DCAF10: variants seen among roughly 807,000 people sequenced by gnomAD.
DCAF10 encodes the protein DDB1- and CUL4-associated factor 10.
Under a neutral mutation model 51.9 loss-of-function variants are expected in DCAF10, and 19 were observed. The ratio of observed to expected loss-of-function variants is 0.37; its 90% CI spans 0.26 to 0.54. The LOEUF is 0.54. Among genes scored for constraint, DCAF10 ranks in the 20% least tolerant of loss-of-function variants. The pLI, the probability that DCAF10 is intolerant of heterozygous loss-of-function variation, is 0.87. For missense variants in DCAF10, 510 were observed against 730.6 expected (o/e 0.70, Z 3.48); for synonymous variants, 291 against 297.1 (o/e 0.98, Z 0.21).
rs1831042476 is a variant in DCAF10 at position 37,862,390 on chromosome 9, A to T, written c.*882A>T. On this transcript the variant is annotated 3_prime_UTR_variant, in exon 7 of 7. Coordinates refer to ENST00000377724, the MANE Select transcript of DCAF10 (RefSeq NM_024345.5). ...TAGAGTGATAAGAACAATATGACTT[A>T]GATTTTCTGTATTTCATCTGCCAGA... The T allele has an allele frequency of 6.6e-6, 1 of 152,262 alleles. No homozygotes were observed. The highest frequency in any genetic ancestry group is 6.5e-5 in the Admixed American group (1 of 15,284). The allele number at this position is 152,262 out of a possible 1,614,324, so 9.4% of individuals were successfully genotyped here.
At chr9:37,800,713 T>C, upstream of DCAF10, 1 of 1,535,694 alleles carries the variant, frequency 6.5e-7, no homozygotes, top group Non-Finnish European at 8.7e-7. Flanking sequence ...GTGTCTCAGC[T>C]TTCCCGGTCC....
rs1308227423 is a variant in DCAF10, at chr9:37,847,314, A to T, written c.851+5028A>T. On this transcript the variant is annotated intron_variant, in intron 3 of 6. Transcript: ENST00000377724. ...ACAAATATTCCTAAAAAAAAAAAGG[A>T]TGGAAAAATCCTCAACAAAATATTA... 2.0e-5 allele frequency among the ~76,000 whole-genome samples: 3 copies of T among 150,652 alleles called. 1 individual carries two copies. The highest frequency in any genetic ancestry group is 4.4e-5 in the Non-Finnish European group (3 of 67,606).
chr9:37,840,511 T>C (rs1830300339), intron 2 of DCAF10, among the ~76,000 whole-genome samples: 2 of 152,184 alleles, frequency 1.3e-5, no homozygotes, highest in Admixed American at 6.5e-5. Context: ...AAAAAGTTAA[T>C]AAAATAAGGC....
rs866819833 is a variant in DCAF10 at position 37,829,293 on chromosome 9, A to G, written c.653+9892A>G. Among the ~76,000 whole-genome samples the G allele has an allele frequency of 1.4e-4, 21 of 152,228 alleles. No homozygotes were observed. Among genetic ancestry groups the G allele is most frequent in the South Asian group, 4.2e-4 (2 of 4,818 alleles). On this transcript the variant is annotated intron_variant, in intron 2 of 6. Coordinates refer to ENST00000377724, the MANE Select transcript of DCAF10 (RefSeq NM_024345.5). The surrounding 1 kb of genome is among the most constrained non-coding windows in gnomAD (Gnocchi z 4.2). Reference sequence around the variant, plus strand: ...CGTCTCTACTAAAAATACAAAAATTAGCCGGGCATGGTCGTGCATGCCTGT... The same window carrying G: ...CGTCTCTACTAAAAATACAAAAATTGGCCGGGCATGGTCGTGCATGCCTGT...
intron 1 of DCAF10, among the ~76,000 whole-genome samples, chr9:37,804,959 T>C (rs2119012593): frequency 6.6e-6 from 1 of 152,134 alleles, no homozygotes; most frequent in Admixed American, 6.5e-5. Context: ...AGAACAAAGA[T>C]GAAATAAATA....
intron 3 of DCAF10, among the ~76,000 whole-genome samples, chr9:37,848,615 AT>A (rs1399972815): frequency 1.3e-5 from 2 of 152,192 alleles, no homozygotes; most frequent in Non-Finnish European, 2.9e-5. Context: ...TCTTAAGGTG[AT>A]GAAAATGTTC....
At chr9:37,850,846 A>T (rs936651633) in intron 3 of DCAF10, among the ~76,000 whole-genome samples, 9 of 34,838 alleles carry the variant, frequency 2.6e-4, no homozygotes, top group African/African-American at 1.0e-3. Context: ...ATATATATAT[A>T]TATATATATA....
At chr9:37,842,354 T>C in intron 3 of DCAF10, 68 bp downstream of exon 3, 1 of 1,457,374 alleles carries the variant, frequency 6.9e-7, no homozygotes, top group South Asian at 1.3e-5. Flanking sequence ...GTGAACAAAT[T>C]CAGTGTTCTG....
upstream of DCAF10, chr9:37,800,654 A>G (rs1195425551): frequency 2.0e-6 from 3 of 1,535,672 alleles, no homozygotes; most frequent in Non-Finnish European, 1.7e-6. Context: ...ACAGGTAACT[A>G]CTCGCTCCCT....
At chr9:37,855,087 T>G (rs1830808425) in intron 4 of DCAF10, 105 bp downstream of exon 4, 3 of 1,101,800 alleles carry the variant, frequency 2.7e-6, no homozygotes, top group Admixed American at 5.3e-5. Flanking sequence ...GGGAAGACAG[T>G]TTTTTAAAAG....
At position 37,854,774 on chromosome 9, in the gene DCAF10, C is replaced by A; in HGVS notation, c.852-6C>A. ...CTAGATTTTGTTGGCTTGGTTTCTC[C>A]TGTAGGTATACAGAAGATGGGTGTC... On this transcript the variant is annotated splice_region_variant and splice_polypyrimidine_tract_variant and intron_variant, in intron 3 of 6. Transcript: ENST00000377724. 1 of 1,612,594 alleles carries A rather than the reference C, an allele frequency of 6.2e-7. No individual in the cohort carries two copies. Among genetic ancestry groups the A allele is most frequent in the Non-Finnish European group, 8.5e-7 (1 of 1,179,460 alleles).
chr9:37,854,800 C>T lies in DCAF10; in HGVS notation c.872C>T (p.Pro291Leu). The change falls in exon 4 of 7, where the codon CCA becomes CTA. Residue 291 changes from proline to leucine, a missense_variant. By Grantham distance (98) the Pro-to-Leu change is moderately conservative. Coordinates refer to ENST00000377724, the MANE Select transcript of DCAF10 (RefSeq NM_024345.5). ...TGTAGGTATACAGAAGATGGGTGTC[C>T]ACATAAGAAATTCTTTCACACACGT... ...DTNRYTEDGCPHKKFFHTRFL... is the reference protein window; with the variant it reads ...DTNRYTEDGCLHKKFFHTRFL... 1 of 1,613,870 alleles carries T rather than the reference C, an allele frequency of 6.2e-7. No homozygotes were observed. Among genetic ancestry groups the T allele is most frequent in the Admixed American group, 1.7e-5 (1 of 60,004 alleles).
At chr9:37,860,774 G>A (rs1012276297) in intron 6 of DCAF10, among the ~76,000 whole-genome samples, 6 of 152,176 alleles carry the variant, frequency 3.9e-5, no homozygotes, top group Admixed American at 2.6e-4. Context: ...GAGAAGAGAA[G>A]AGCCTTTGAA....
chr9:37,856,705 GGAGGCT>G (rs1830859602), intron 4 of DCAF10, among the ~76,000 whole-genome samples: 1 of 152,030 alleles, frequency 6.6e-6, no homozygotes, highest in Non-Finnish European at 1.5e-5. Context: ...CAGCTACTCA[GGAGGCT>G]GAGGCTGAGG....
At chr9:37,821,752 A>C (rs1829707446) in intron 2 of DCAF10, among the ~76,000 whole-genome samples, 1 of 152,224 alleles carries the variant, frequency 6.6e-6, no homozygotes, top group Admixed American at 6.5e-5. Context: ...ATAAAGATAA[A>C]GATAAATAGC....
intron 1 of DCAF10, among the ~76,000 whole-genome samples, chr9:37,807,576 CTA>C (rs1444272929): frequency 6.7e-6 from 1 of 148,290 alleles, no homozygotes; most frequent in Non-Finnish European, 1.5e-5. Context: ...TTTTTATAAT[CTA>C]TATAGGTTAA....
intron 1 of DCAF10, among the ~76,000 whole-genome samples, chr9:37,815,515 C>T (rs964454271): frequency 6.6e-6 from 1 of 152,116 alleles, no homozygotes; most frequent in African/African-American, 2.4e-5. Flanking sequence ...CATCATGGCA[C>T]ACGCCTGCAG....
intron 1 of DCAF10, among the ~76,000 whole-genome samples, chr9:37,803,031 G>A (rs1347235641): frequency 2.0e-5 from 3 of 152,178 alleles, no homozygotes; most frequent in African/African-American, 4.8e-5. Context: ...TTTTAGAGCT[G>A]TTAGAATAAG....
intron 2 of DCAF10, among the ~76,000 whole-genome samples, chr9:37,822,843 C>T (rs1303941265): frequency 6.6e-6 from 1 of 152,114 alleles, no homozygotes; most frequent in Admixed American, 6.6e-5. Context: ...TGTCTTGCAC[C>T]TGTAATCCCA....
Sources: allele counts gnomAD v4.1 joint callset (sites outside exome capture counted in the v4.1 genomes callset), GRCh38; gene constraint gnomAD v4.1.1; non-coding constraint Gnocchi (gnomAD v3.1); transcripts MANE v1.5; gene names NCBI Gene and HGNC (gene_info 2026-07-23, HGNC 2026-07-21).